RAPGEF2: variants seen among roughly 807,000 people sequenced by gnomAD.
RAPGEF2 encodes the protein PDZ domain containing guanine nucleotide exchange factor (GEF) 1.
In RAPGEF2, 54 loss-of-function variants were observed where a neutral mutation model predicts 186.7. That is an observed-to-expected ratio of 0.29 (90% CI 0.23 to 0.36). The LOEUF (loss-of-function observed/expected upper bound fraction) is 0.36, where lower values mean the gene tolerates loss of function less well. Ranked by LOEUF, RAPGEF2 falls within the 10% of genes least tolerant of loss-of-function variation. The pLI, the probability that RAPGEF2 is intolerant of heterozygous loss-of-function variation, is 1.00. For missense variants in RAPGEF2, 1,532 were observed against 2,045.0 expected (o/e 0.75, Z 4.84); for synonymous variants, 712 against 705.9 (o/e 1.01, Z -0.14).
chr4:159,284,661 G>T (rs1482312689), intron 7 of RAPGEF2, among the ~76,000 whole-genome samples: 9 of 152,114 alleles, frequency 5.9e-5, no homozygotes, highest in Non-Finnish European at 1.5e-5. Context: ...TTTTGGTTCA[G>T]TTCACTTCAA....
intron 9 of RAPGEF2, 141 bp from the exon 10 acceptor site, chr4:159,322,206 G>A: frequency 1.6e-6 from 1 of 631,134 alleles, no homozygotes; most frequent in Non-Finnish European, 2.7e-6. Flanking sequence ...AATTCAGCTG[G>A]TGCTAAAGAT....
Position 159,131,519 on chromosome 4 carries a change from A to ATTGTTTTTT in RAPGEF2, c.69+27290_69+27291insGTTTTTTTT. Among the ~76,000 whole-genome samples, 154 of 37,154 alleles carry ATTGTTTTTT rather than the reference A, an allele frequency of 4.1e-3. 19 individuals are homozygous for ATTGTTTTTT. Among genetic ancestry groups the ATTGTTTTTT allele is most frequent in the Middle Eastern group, 0.026 (1 of 38 alleles). 24.4% of individuals were successfully genotyped at this position (37,154 alleles called of 152,430 possible). On this transcript the variant is annotated intron_variant, in intron 1 of 29. Transcript: ENST00000691494. ...TGATATCTTTGTCTGATTAATTGCT[A>ATTGTTTTTT]TTTTTTTTTTTTTTTTTTTTTTTTT...
At chr4:159,210,454 T>C in intron 3 of RAPGEF2, 46 bp from the exon 4 acceptor site, 1 of 1,314,550 alleles carries the variant, frequency 7.6e-7, no homozygotes, top group Non-Finnish European at 1.1e-6. Flanking sequence ...TTTTTTGTTG[T>C]TGTTGTTATA....
intron 7 of RAPGEF2, among the ~76,000 whole-genome samples, chr4:159,280,234 G>A (rs1210261470): frequency 6.6e-6 from 1 of 152,146 alleles, no homozygotes; most frequent in Admixed American, 6.5e-5. Context: ...AGTTTTCTCA[G>A]CCAGACTGAC....
At chr4:159,128,726 G>A (rs1170181134) in intron 1 of RAPGEF2, 1 of 151,580 alleles carries the variant, frequency 6.6e-6, no homozygotes, top group Non-Finnish European at 1.5e-5. Context: ...GAACCATTGT[G>A]TAAAAACTCT....
At chr4:159,347,026 T>TC in intron 25 of RAPGEF2, 28 bp downstream of exon 25, 1 of 1,586,128 alleles carries the variant, frequency 6.3e-7, no homozygotes, top group Non-Finnish European at 8.6e-7. Flanking sequence ...TTTCTTTTTT[T>TC]GGTGCCATTC....
chr4:159,187,273 G>T (rs1747653889), intron 2 of RAPGEF2, among the ~76,000 whole-genome samples: 1 of 151,820 alleles, frequency 6.6e-6, no homozygotes, highest in Admixed American at 6.6e-5. Flanking sequence ...CCACCCCAGG[G>T]TCTGTCTCTG....
chr4:159,335,282 A>G (rs997574320), intron 17 of RAPGEF2, among the ~76,000 whole-genome samples: 14 of 152,136 alleles, frequency 9.2e-5, no homozygotes, highest in African/African-American at 3.1e-4. Flanking sequence ...GAAAAAGACT[A>G]ATGAACCCAG....
At chr4:159,212,954 T>G (rs1174356579) in intron 4 of RAPGEF2, among the ~76,000 whole-genome samples, 1 of 152,248 alleles carries the variant, frequency 6.6e-6, no homozygotes. Context: ...GTTCTTGCAG[T>G]TCAGACTTAT....
chr4:159,285,511 A>G (rs1760339472), intron 7 of RAPGEF2, among the ~76,000 whole-genome samples: 1 of 152,204 alleles, frequency 6.6e-6, no homozygotes, highest in Admixed American at 6.5e-5. Flanking sequence ...TTTCACTTGA[A>G]CTTTTATTAG....
At chr4:159,282,668 T>G (rs2110901609) in intron 7 of RAPGEF2, 1 of 451,090 alleles carries the variant, frequency 2.2e-6, no homozygotes, top group East Asian at 7.0e-5. Flanking sequence ...TCCTAAGGCT[T>G]GCCTTTCTGG....
At chr4:159,262,817 C>T (rs1213982194) in intron 7 of RAPGEF2, among the ~76,000 whole-genome samples, 1 of 143,142 alleles carries the variant, frequency 7.0e-6, no homozygotes, top group Admixed American at 6.9e-5. Context: ...AACAGTTTGC[C>T]GTCAGAAACT....
At chr4:159,286,030 AACCACCACCACCACCACCACCACCACC>A (rs35426817) in intron 7 of RAPGEF2, among the ~76,000 whole-genome samples, 8 of 89,302 alleles carry the variant, frequency 9.0e-5, no homozygotes, top group East Asian at 3.7e-4. Flanking sequence ...TGTTCCCCCC[AACCACCACCACCACCACCACCACCACC>A]ACCACCACCA....
At chr4:159,245,723 A>T (rs1470291701) in intron 7 of RAPGEF2, among the ~76,000 whole-genome samples, 1 of 152,110 alleles carries the variant, frequency 6.6e-6, no homozygotes, top group Non-Finnish European at 1.5e-5. Context: ...GGAAGCTGGC[A>T]CATTCCTCTT....
In RAPGEF2 at chr4:159,262,466, C is replaced by A. The variant is rs1346295283; in HGVS notation, c.543+18675C>A. ...ATGGAAATAATTCACAACCACTGTT[C>A]AAGGACTCCACCTCTGAAACCTTGA... On this transcript the variant is annotated intron_variant, in intron 7 of 29. Transcript: ENST00000691494. Among the ~76,000 whole-genome samples, 3 of 152,206 alleles carry A rather than the reference C, an allele frequency of 2.0e-5. 1 individual carries two copies. Among genetic ancestry groups the A allele is most frequent in the Non-Finnish European group, 4.4e-5 (3 of 68,032 alleles).
intron 4 of RAPGEF2, among the ~76,000 whole-genome samples, chr4:159,219,513 G>T (rs1013029708): frequency 1.3e-5 from 2 of 151,710 alleles, no homozygotes; most frequent in Non-Finnish European, 2.9e-5. Flanking sequence ...CCGCCACCAC[G>T]TCCGGATAAT....
chr4:159,228,452 CG>C (rs1298078715), intron 4 of RAPGEF2: 3 of 152,082 alleles, frequency 2.0e-5, no homozygotes, highest in Admixed American at 1.3e-4. Flanking sequence ...GAGGAATGAA[CG>C]GGGGAATAGC....
rs368800291 is a variant in RAPGEF2, at chr4:159,251,226, G to A, written c.543+7435G>A. Among the ~76,000 whole-genome samples, 217 of 152,360 alleles carry A rather than the reference G, an allele frequency of 1.4e-3. 3 individuals are homozygous for A. The South Asian group carries it at 0.043, about 30-fold the overall frequency. On this transcript the variant is annotated intron_variant, in intron 7 of 29. Transcript: ENST00000691494. ...ATGTCCGAGCCCCCCACCCTCCGTG[G>A]GCTCCCGTGCTGCCTGAGCCTTCCC...
At chr4:159,111,567 G>A (rs930735338) in intron 1 of RAPGEF2, among the ~76,000 whole-genome samples, 1 of 152,176 alleles carries the variant, frequency 6.6e-6, no homozygotes, top group Non-Finnish European at 1.5e-5. Flanking sequence ...AACACTGAAC[G>A]AGAATTAATC....
Sources: allele counts gnomAD v4.1 joint callset (sites outside exome capture counted in the v4.1 genomes callset), GRCh38; gene constraint gnomAD v4.1.1; transcripts MANE v1.5; gene names NCBI Gene and HGNC (gene_info 2026-07-23, HGNC 2026-07-21).